MAP3K12: variants seen among roughly 807,000 people sequenced by gnomAD.
The protein encoded by MAP3K12 is MAPK-upstream kinase.
A neutral mutation model predicts 87.5 loss-of-function variants in MAP3K12; 14 were observed. The observed-to-expected ratio is 0.16, with a 90% CI of 0.11 to 0.25. The LOEUF (loss-of-function observed/expected upper bound fraction) is 0.25. Ranked by LOEUF, MAP3K12 falls within the 10% of genes least tolerant of loss-of-function variation. MAP3K12 has a pLI of 1.00. For synonymous variants in MAP3K12, 469 were observed against 452.5 expected, an observed-to-expected ratio of 1.04 and a Z score of -0.46; for missense variants, 802 against 1,140.4, an observed-to-expected ratio of 0.70 and a Z score of 4.27.
chr12:53,482,919 A>G lies in MAP3K12; in HGVS notation c.1884T>C (p.Arg628=), dbSNP rs781204369. The G allele has an allele frequency of 1.9e-6, 3 of 1,609,782 alleles. No homozygotes were observed. In the South Asian group the frequency reaches 3.3e-5, roughly 18 times the overall value. The change falls in exon 11 of 14, where the codon CGT becomes CGC. Residue 628 remains arginine, a synonymous_variant. Coordinates refer to ENST00000547488, the MANE Select transcript of MAP3K12 (RefSeq NM_001193511.2). ...SAWEACPPAL[R]GLHHDLLLRK... ...GGAGCAGGAGGTCATGATGAAGCCC[A>G]CGGAGGGCGGGAGGGCAGGCCTCCC...
chr12:53,490,276 C>A (rs1454397918), intron 1 of MAP3K12, among the ~76,000 whole-genome samples: 1 of 151,888 alleles, frequency 6.6e-6, no homozygotes, highest in East Asian at 1.9e-4. Context: ...TGTACTCCAG[C>A]CTGGGTGACA....
chr12:53,488,672 T>C (rs1484453547), intron 1 of MAP3K12, among the ~76,000 whole-genome samples: 1 of 150,076 alleles, frequency 6.7e-6, no homozygotes, highest in African/African-American at 2.5e-5. Flanking sequence ...AAAAAATATA[T>C]AAATAAATAA....
rs1943142187 is a variant in MAP3K12, at chr12:53,483,676, GCT to G, written c.1404_1405del (p.Arg468SerfsTer9). 1 of 1,613,820 alleles carries G rather than the reference GCT, an allele frequency of 6.2e-7. No homozygotes were observed. The highest frequency in any genetic ancestry group is 1.3e-5 in the African/African-American group (1 of 74,888). On this transcript the variant is annotated frameshift_variant, in exon 9 of 14. Coordinates refer to ENST00000547488, the MANE Select transcript of MAP3K12 (RefSeq NM_001193511.2). LOFTEE classifies it high-confidence loss of function. ...ATTAAGTTCCATATACAGGTTGTTG[GCT>G]CTCTCCAGCTTCCTTTCATAGTGCT... is the stretch of plus-strand genomic sequence containing the variant.
At chr12:53,501,529 G>A (rs1275198840), upstream of MAP3K12, 1 of 1,547,340 alleles carries the variant, frequency 6.5e-7, no homozygotes, top group African/African-American at 1.4e-5. Flanking sequence ...GTAGCGGCGC[G>A]GCCCCAGCAT....
rs1457333526 is a variant in MAP3K12, at chr12:53,487,091, G to A, written c.301C>T (p.Arg101Trp). 3 of 1,613,962 alleles carry A rather than the reference G, an allele frequency of 1.9e-6. No individual in the cohort carries two copies. The highest frequency in any genetic ancestry group is 1.1e-5 in the South Asian group (1 of 91,080). ...TCGTCAGCTCGAACTCTGGATGCCC[G>A]ACTCTCAGGTGACCCAGCTGCTCCC... The part of the protein sequence containing the change: ...PGGAAGSPES[R>W]ASRVRADEVR... The change falls in exon 2 of 14, where the codon CGG becomes TGG. Residue 101 changes from arginine (R) to tryptophan (W), a missense_variant. Physicochemically the swap from Arg to Trp is moderately radical, Grantham distance 101. This residue lies in a region of MAP3K12 where 135 missense variants were observed against 151.6 expected (regional missense o/e 0.89). Coordinates refer to ENST00000547488, the MANE Select transcript of MAP3K12 (RefSeq NM_001193511.2).
chr12:53,485,872 A>C (rs1943215507), intron 4 of MAP3K12, 184 bp downstream of exon 4: 2 of 609,876 alleles, frequency 3.3e-6, no homozygotes, highest in South Asian at 4.3e-5. Context: ...TCAGTTTAAA[A>C]TCATTTGGGA....
intron 1 of MAP3K12, among the ~76,000 whole-genome samples, chr12:53,491,345 T>G (rs1314871215): frequency 6.7e-6 from 1 of 150,072 alleles, no homozygotes; most frequent in Non-Finnish European, 1.5e-5. Context: ...TATGTTAGCT[T>G]CTGGTAAAGG....
At chr12:53,485,713 G>A (rs985179949) in intron 4 of MAP3K12, 11 of 536,460 alleles carry the variant, frequency 2.1e-5, no homozygotes, top group East Asian at 1.6e-4. Context: ...TCGCCACCAC[G>A]CCTGACTAAT....
upstream of MAP3K12, chr12:53,501,343 G>A (rs1592731126): frequency 1.1e-5 from 17 of 1,540,008 alleles, no homozygotes; most frequent in East Asian, 3.9e-4. Context: ...GCCCTAGCTC[G>A]TCGGCTGTGT....
In MAP3K12 at chr12:53,487,127, C is replaced by T; in HGVS notation, c.265G>A (p.Gly89Arg). The T allele has an allele frequency of 1.2e-6, 2 of 1,614,096 alleles. No individual in the cohort carries two copies. The highest frequency in any genetic ancestry group is 1.7e-6 in the Non-Finnish European group (2 of 1,180,014). The change falls in exon 2 of 14, where the codon GGG becomes AGG. Residue 89 changes from glycine (G) to arginine (R), a missense_variant. Physicochemically the swap from Gly to Arg is moderately radical, Grantham distance 125. Transcript: ENST00000547488. ...SVLQLHEQDA[G>R]GPGGAAGSPE... ...GACCCAGCTGCTCCCCCTGGGCCCC[C>T]TGCATCCTGCTCATGTAGCTGCAGG...
chr12:53,498,965 T>TGGGGATG, intron 1 of MAP3K12, among the ~76,000 whole-genome samples: 1 of 33,102 alleles, frequency 3.0e-5, no homozygotes, highest in Non-Finnish European at 6.1e-5. Flanking sequence ...TGTGTGTGTG[T>TGGGGATG]GTGTGTGTGT....
At chr12:53,487,551 T>C (rs899773661) in intron 1 of MAP3K12, 123 bp from the exon 2 acceptor site, 2 of 955,356 alleles carry the variant, frequency 2.1e-6, no homozygotes, top group Non-Finnish European at 1.5e-6. Flanking sequence ...GAGGTAACAC[T>C]TGTGGCTCCG....
intron 1 of MAP3K12, among the ~76,000 whole-genome samples, chr12:53,489,700 G>C (rs866449710): frequency 6.6e-6 from 1 of 152,182 alleles, no homozygotes; most frequent in Non-Finnish European, 1.5e-5. Context: ...CATCTAGAAG[G>C]GTTCAGTAGA....
At chr12:53,500,919 C>T (rs1157212158), upstream of MAP3K12, 1 of 160,588 alleles carries the variant, frequency 6.2e-6, no homozygotes, top group African/African-American at 2.4e-5. Flanking sequence ...GTGCTTGACC[C>T]TGCCTCTCCA....
Position 53,487,202 on chromosome 12 carries a change from T to G in MAP3K12, c.190A>C (p.Ser64Arg), listed in dbSNP as rs1943252106. 1.2e-6 allele frequency: 2 copies of G among 1,613,496 alleles called. No individual in the cohort carries two copies. Among genetic ancestry groups the G allele is most frequent in the Non-Finnish European group, 1.7e-6 (2 of 1,179,638 alleles). Residue 64 changes from serine (S) to arginine (R), a missense_variant, in exon 2 of 14, where the codon AGC becomes CGC. Ser to Arg is a moderately radical substitution (Grantham distance 110). This residue lies in a region of MAP3K12 where 135 missense variants were observed against 151.6 expected (regional missense o/e 0.89). Transcript: ENST00000547488. ...GGCGGCTCTCCACCTGGGGAGGGGC[T>G]GGGCCCTCCCCCACCCTGCCCACCA... The part of the protein sequence containing the change: ...PLGGQGGGGP[S>R]PSPGGEPPPE...
chr12:53,491,571 C>A (rs1943406879), intron 1 of MAP3K12, among the ~76,000 whole-genome samples: 1 of 150,116 alleles, frequency 6.7e-6, no homozygotes, highest in Admixed American at 6.6e-5. Flanking sequence ...GTAGCTGGGA[C>A]TACAGGCGCC....
rs778299996 is a variant in MAP3K12, at chr12:53,482,389, G to C, written c.2239-20C>G. The C allele has an allele frequency of 1.9e-6, 3 of 1,612,386 alleles. No individual in the cohort carries two copies. Among genetic ancestry groups the C allele is most frequent in the African/African-American group, 1.3e-5 (1 of 74,606 alleles). ...ACGTTTCTGCAGGAGAGATGGGGTG[G>C]GGGGGGTCTGATTAGAAGTGGAAAG... On this transcript the variant is annotated intron_variant, in intron 11 of 13. Transcript: ENST00000547488.
At chr12:53,501,376 G>C, upstream of MAP3K12, 1 of 1,554,614 alleles carries the variant, frequency 6.4e-7, no homozygotes, top group Non-Finnish European at 8.7e-7. Context: ...GGAGGCTGCA[G>C]TCACGGTGGC....
rs551662262 is a variant in MAP3K12, at chr12:53,481,963, T to C, written c.2558A>G (p.His853Arg). The C allele has an allele frequency of 1.2e-6, 2 of 1,613,312 alleles. No individual in the cohort carries two copies. The highest frequency in any genetic ancestry group is 3.3e-5 in the Admixed American group (2 of 60,010). The change falls in exon 13 of 14, where the codon CAC (histidine) becomes CGC (arginine). Residue 853 changes from histidine to arginine, a missense_variant. His to Arg is a conservative substitution (Grantham distance 29, BLOSUM62 0). Around this residue, in one of 5 missense-constraint regions of MAP3K12, gnomAD observed 490 missense variants for 496.6 expected, o/e 0.99. Coordinates refer to ENST00000547488, the MANE Select transcript of MAP3K12 (RefSeq NM_001193511.2). ...CACCCGCTCTCTGAGAAGTTCCTGGTGTGGAATGGGCAGGGAGCTGGGTTC... is the reference window on the plus strand; with the variant it reads ...CACCCGCTCTCTGAGAAGTTCCTGGCGTGGAATGGGCAGGGAGCTGGGTTC... ...GPEPSSLPIP[H>R]QELLRERGPP...
Sources: allele counts gnomAD v4.1 joint callset (sites outside exome capture counted in the v4.1 genomes callset), GRCh38; gene constraint gnomAD v4.1.1; regional missense constraint gnomAD v4.1.1; transcripts MANE v1.5; gene names NCBI Gene and HGNC (gene_info 2026-07-23, HGNC 2026-07-21).